The following OVOL1 variants were observed in gnomAD, a reference collection of about 807,000 sequenced individuals.
OVOL1 encodes putative transcription factor Ovo-like 1.
In OVOL1, 10 loss-of-function variants were observed where a neutral mutation model predicts 21.5. The ratio of observed to expected loss-of-function variants is 0.46; its 90% CI spans 0.29 to 0.79. The LOEUF (loss-of-function observed/expected upper bound fraction) is 0.79, where lower values mean the gene tolerates loss of function less well. Ranked by LOEUF, OVOL1 falls within the 30% of genes least tolerant of loss-of-function variation. The pLI is 0.10. For synonymous variants in OVOL1, 129 were observed against 150.3 expected (o/e 0.86, Z 1.03); for missense variants, 279 against 362.3 (o/e 0.77, Z 1.87).
intron 1 of OVOL1, chr11:65,789,820 GAGA>G (rs895499147): frequency 2.0e-6 from 1 of 488,964 alleles, no homozygotes; most frequent in Non-Finnish European, 2.7e-6. Flanking sequence ...AAGGTTTTGG[GAGA>G]AGGTTTTACA....
chr11:65,790,203 G>A (rs563986311), intron 1 of OVOL1: 1 of 152,002 alleles, frequency 6.6e-6, no homozygotes, highest in East Asian at 1.9e-4. Context: ...CCAGGAACAG[G>A]GTTGAAGCTG....
Position 65,795,228 on chromosome 11 carries a change from C to T in OVOL1, c.691C>T (p.His231Tyr). 1.2e-6 allele frequency: 2 copies of T among 1,613,586 alleles called. No individual in the cohort carries two copies. Residue 231 changes from histidine to tyrosine, a missense_variant, in exon 4 of 4, where the codon CAC (histidine) becomes TAC (tyrosine). Coordinates refer to ENST00000335987, the MANE Select transcript of OVOL1 (RefSeq NM_004561.4). This position sits in a 1 kb window ranked among gnomAD's most constrained non-coding sequence, Gnocchi z 5.7. ...TSESQEGHVLHLKEHHPDSPL... is the reference protein window; with the variant it reads ...TSESQEGHVLYLKEHHPDSPL... ...TGAGAGCCAGGAGGGCCACGTCCTG[C>T]ACCTGAAGGAGCACCACCCTGACAG...
At chr11:65,787,524 C>A in intron 1 of OVOL1, 51 bp downstream of exon 1, 1 of 1,211,930 alleles carries the variant, frequency 8.3e-7, no homozygotes, top group Non-Finnish European at 1.1e-6. Context: ...GGCGTCGAGG[C>A]TGCGGGCGGG....
intron 1 of OVOL1, chr11:65,788,810 AG>A (rs1857952933): frequency 1.0e-6 from 1 of 985,358 alleles, no homozygotes; most frequent in Middle Eastern, 5.2e-4. Context: ...TGAGGCAAAA[AG>A]GGAAGTGAGT....
rs370573383 is a variant in OVOL1, at chr11:65,795,069, C to T, written c.532C>T (p.Leu178=). The T allele has an allele frequency of 3.1e-6, 5 of 1,613,114 alleles. No homozygotes were observed. In the Admixed American group the frequency reaches 5.0e-5, roughly 16 times the overall value. Residue 178 remains leucine, a synonymous_variant, in exon 4 of 4, where the codon CTG becomes TTG. Transcript: ENST00000335987. The surrounding 1 kb of genome is among the most constrained non-coding windows in gnomAD (Gnocchi z 5.7). The part of the protein sequence containing the change: ...HTGVRPYKCS[L]CDKAFTQRCS... ...AGGCGTGCGGCCCTACAAGTGCAGC[C>T]TGTGTGACAAGGCCTTCACGCAGCG... is the stretch of plus-strand genomic sequence containing the variant.
Position 65,794,158 on chromosome 11 carries a change from C to G in OVOL1, c.228C>G (p.Pro76=), listed in dbSNP as rs759520132. ...CTAGCTACAGCATGGCCCCCGGGCC[C>G]TGTGTGGTGGCCCAGCTGCCCTCTG... ...RDSSYSMAPG[P]CVVAQLPSED... The change falls in exon 2 of 4, where the codon CCC becomes CCG. Residue 76 remains proline (P), a synonymous_variant. Transcript: ENST00000335987. The G allele has an allele frequency of 1.9e-6, 3 of 1,613,652 alleles. No homozygotes were observed. Among genetic ancestry groups the G allele is most frequent in the Admixed American group, 3.3e-5 (2 of 60,008 alleles).
chr11:65,788,271 A>AG (rs373356598), intron 1 of OVOL1, among the ~76,000 whole-genome samples: 215 of 152,316 alleles, frequency 1.4e-3, no homozygotes, highest in African/African-American at 5.0e-3. Flanking sequence ...GCAGACGCCT[A>AG]GACAGCGTCG....
Position 65,794,225 on chromosome 11 carries a change from G to A in OVOL1, c.295G>A (p.Gly99Ser). The change falls in exon 2 of 4, where the codon GGC becomes AGC. Residue 99 changes from glycine (G) to serine (S), a missense_variant. Gly to Ser is a moderately conservative substitution (Grantham distance 56). Transcript: ENST00000335987. ...HLTDPQSRDH[G>S]FLRTKMKVTL... The stretch of plus-strand genomic sequence containing the variant: ...GACAGACCCCCAGAGCAGAGACCAT[G>A]GCTTCCTGCGCACCAAGATGAAGGT... 1 of 1,613,172 alleles carries A rather than the reference G, an allele frequency of 6.2e-7. No homozygotes were observed. The highest frequency in any genetic ancestry group is 1.1e-5 in the South Asian group (1 of 91,092).
At chr11:65,788,984 C>A (rs910588791) in intron 1 of OVOL1, 30 of 985,444 alleles carry the variant, frequency 3.0e-5, no homozygotes, top group Non-Finnish European at 3.4e-5. Context: ...CGCCCTCCAC[C>A]CTCACCTGTG....
chr11:65,795,432 C>T lies in OVOL1; in HGVS notation c.*91C>T. On this transcript the variant is annotated 3_prime_UTR_variant, in exon 4 of 4. Transcript: ENST00000335987. This position sits in a 1 kb window ranked among gnomAD's most constrained non-coding sequence, Gnocchi z 5.7. ...TGGCCAGCCCACCCTCCTGCAACCTCTCACCCGAACACCAGTGATCAGGAC... is the reference window on the plus strand; with the variant it reads ...TGGCCAGCCCACCCTCCTGCAACCTTTCACCCGAACACCAGTGATCAGGAC... The T allele has an allele frequency of 8.4e-7, 1 of 1,195,500 alleles. No individual in the cohort carries two copies. The highest frequency in any genetic ancestry group is 1.2e-6 in the Non-Finnish European group (1 of 853,124). 74.1% of individuals were successfully genotyped at this position (1,195,500 alleles called of 1,614,324 possible). A position where few individuals can be genotyped will look rare whatever the true frequency, so the allele number is the denominator to read the frequency against.
chr11:65,794,803 C>G, intron 3 of OVOL1, 76 bp downstream of exon 3: 2 of 1,428,950 alleles, frequency 1.4e-6, no homozygotes, highest in South Asian at 2.3e-5. Flanking sequence ...GTCCAGCACC[C>G]CCTGCTCTCC....
Position 65,794,039 on chromosome 11 carries a change from G to A in OVOL1, c.109G>A (p.Gly37Ser). ...RGEIYVPVSL[G>S]FCPPQPYREP... ...GTCTGTTCTCTCCCCAGTCAGCCTG[G>A]GCTTCTGCCCACCACAGCCCTACCG... The change falls in exon 2 of 4, where the codon GGC becomes AGC. Residue 37 changes from glycine (G) to serine (S), a missense_variant. Physicochemically the swap from Gly to Ser is moderately conservative, Grantham distance 56. Transcript: ENST00000335987. 6.2e-7 allele frequency: 1 copy of A among 1,613,730 alleles called. No homozygotes were observed. The highest frequency in any genetic ancestry group is 8.5e-7 in the Non-Finnish European group (1 of 1,179,850).
Position 65,795,691 on chromosome 11 carries a change from C to T in OVOL1, c.*350C>T, listed in dbSNP as rs752002498. The T allele has an allele frequency of 1.1e-4, 40 of 348,990 alleles. No individual in the cohort carries two copies. Among genetic ancestry groups the T allele is most frequent in the Non-Finnish European group, 1.8e-4 (33 of 185,920 alleles). The allele number at this position is 348,990 out of a possible 1,614,324, so 21.6% of individuals were successfully genotyped here. On this transcript the variant is annotated 3_prime_UTR_variant, in exon 4 of 4. Transcript: ENST00000335987. The surrounding 1 kb of genome is among the most constrained non-coding windows in gnomAD (Gnocchi z 5.7). ...CAGGACTTCCTACCCAGAGGAGGTT[C>T]GAGCTAGGATCCCACTGCCCCCGCC...
At chr11:65,793,594 G>C (rs530101603) in intron 1 of OVOL1, 1 of 203,820 alleles carries the variant, frequency 4.9e-6, no homozygotes, top group Admixed American at 5.7e-5. Flanking sequence ...CTGTTGGAGA[G>C]GCCTGGAGTG....
chr11:65,792,906 G>A (rs1331891577), intron 1 of OVOL1, among the ~76,000 whole-genome samples: 2 of 152,218 alleles, frequency 1.3e-5, no homozygotes, highest in Admixed American at 6.5e-5. Context: ...GCCCAAGCCC[G>A]TTCTCTGTCT....
chr11:65,793,872 G>A (rs981581818), intron 1 of OVOL1, 159 bp from the exon 2 acceptor site: 2 of 616,220 alleles, frequency 3.2e-6, no homozygotes, highest in Admixed American at 2.9e-5. Context: ...GGAAGGCGGT[G>A]CAGCAGTGGT....
At chr11:65,794,926 G>A in intron 3 of OVOL1, 120 bp from the exon 4 acceptor site, 1 of 1,102,376 alleles carries the variant, frequency 9.1e-7, no homozygotes, top group South Asian at 1.5e-5. Context: ...GTGTTGGACA[G>A]GCCTCCGTCC....
chr11:65,787,727 G>A (rs910925866), intron 1 of OVOL1, among the ~76,000 whole-genome samples: 1 of 152,010 alleles, frequency 6.6e-6, no homozygotes, highest in African/African-American at 2.4e-5. Context: ...CAGGGCCAGG[G>A]GGCGCGGAAC....
Position 65,795,463 on chromosome 11 carries a change from C to A in OVOL1, c.*122C>A. The stretch of plus-strand genomic sequence containing the variant: ...CGAACACCAGTGATCAGGACTGGAG[C>A]CCCCGTGCCTTGGTCTCCCCCCTGG... On this transcript the variant is annotated 3_prime_UTR_variant, in exon 4 of 4. Transcript: ENST00000335987. This position sits in a 1 kb window ranked among gnomAD's most constrained non-coding sequence, Gnocchi z 5.7. 1.1e-6 allele frequency: 1 copy of A among 920,060 alleles called. No homozygotes were observed. 57.0% of individuals were successfully genotyped at this position (920,060 alleles called of 1,614,324 possible).
Sources: allele counts gnomAD v4.1 joint callset (sites outside exome capture counted in the v4.1 genomes callset), GRCh38; gene constraint gnomAD v4.1.1; non-coding constraint Gnocchi (gnomAD v3.1); transcripts MANE v1.5; gene names NCBI Gene and HGNC (gene_info 2026-07-23, HGNC 2026-07-21).